The following PCDHGA11 variants were observed in gnomAD, a reference collection of about 807,000 sequenced individuals.
PCDHGA11 encodes protocadherin gamma-A11.
A neutral mutation model predicts 60.4 loss-of-function variants in PCDHGA11; 39 were observed. The ratio of observed to expected loss-of-function variants is 0.65; its 90% CI spans 0.50 to 0.84. PCDHGA11 has a LOEUF of 0.84. Among genes scored for constraint, PCDHGA11 ranks in the 40% least tolerant of loss-of-function variants. The pLI is 0.00. For synonymous variants in PCDHGA11, 533 were observed against 510.3 expected, an observed-to-expected ratio of 1.04 and a Z score of -0.60; for missense variants, 1,165 against 1,197.7, an observed-to-expected ratio of 0.97 and a Z score of 0.40.
At chr5:141,488,932 A>G (rs2233598) in intron 1 of PCDHGA11, among the ~76,000 whole-genome samples, 31,368 of 152,090 alleles carry the variant, frequency 0.21, 3,372 homozygotes, top group Admixed American at 0.31. Flanking sequence ...GGATTGAGGA[A>G]ACTCCATAAT....
In PCDHGA11 at chr5:141,422,966, C is replaced by A. The variant is rs762530904; in HGVS notation, c.1739C>A (p.Pro580His). 6.2e-7 allele frequency: 1 copy of A among 1,614,112 alleles called. No individual in the cohort carries two copies. The highest frequency in any genetic ancestry group is 1.7e-5 in the Admixed American group (1 of 60,008). Residue 580 changes from proline (P) to histidine (H), a missense_variant, in exon 1 of 4, where the codon CCC becomes CAC. Transcript: ENST00000398587. ...GGCTCCACTGGCGTGGAGCTGGCGC[C>A]CCGCTCTGCGGAACCTGGCTACCTG... The part of the protein sequence containing the change: ...TDGSTGVELA[P>H]RSAEPGYLVT...
chr5:141,422,487 T>C lies in PCDHGA11; in HGVS notation c.1260T>C (p.Asn420=), dbSNP rs1295400741. 5.0e-6 allele frequency: 8 copies of C among 1,613,938 alleles called. No individual in the cohort carries two copies. The East Asian group carries it at 1.8e-4, about 36-fold the overall frequency. ...ACAGGGAGTTGGTCCAGAGCTACAA[T>C]ATAACGTTGACAGCCACAGACCAGG... The part of the protein sequence containing the change: ...VLDRELVQSY[N]ITLTATDQGS... Residue 420 remains asparagine, a synonymous_variant, in exon 1 of 4, where the codon AAT becomes AAC. Coordinates refer to ENST00000398587, the MANE Select transcript of PCDHGA11 (RefSeq NM_018914.3).
At chr5:141,458,319 T>C (rs2879229) in intron 1 of PCDHGA11, among the ~76,000 whole-genome samples, 84,591 of 151,864 alleles carry the variant, frequency 0.56, 26,265 homozygotes, top group African/African-American at 0.85. Flanking sequence ...CACAGACACA[T>C]GTGGAGTGGT....
intron 1 of PCDHGA11, among the ~76,000 whole-genome samples, chr5:141,461,233 G>T (rs2099011336): frequency 6.6e-6 from 1 of 152,028 alleles, no homozygotes; most frequent in East Asian, 1.9e-4. Context: ...CATAGAGGTT[G>T]TACTAATTTA....
At chr5:141,504,240 G>A (rs1275204117) in intron 2 of PCDHGA11, among the ~76,000 whole-genome samples, 1 of 152,182 alleles carries the variant, frequency 6.6e-6, no homozygotes, top group Non-Finnish European at 1.5e-5. Context: ...AAGAAGCAGA[G>A]AGTTCTTCTT....
chr5:141,466,885 G>A (rs997982577), intron 1 of PCDHGA11, among the ~76,000 whole-genome samples: 3 of 151,938 alleles, frequency 2.0e-5, no homozygotes, highest in Non-Finnish European at 4.4e-5. Context: ...TTCATAATAT[G>A]CATTTTCCAT....
chr5:141,426,465 T>C, intron 1 of PCDHGA11: 1 of 315,366 alleles, frequency 3.2e-6, no homozygotes, highest in African/African-American at 2.2e-5. Context: ...ATGTTCAGGA[T>C]TTATTGACCT....
At chr5:141,457,537 T>A (rs967428207) in intron 1 of PCDHGA11, among the ~76,000 whole-genome samples, 2 of 152,228 alleles carry the variant, frequency 1.3e-5, no homozygotes, top group Admixed American at 6.5e-5. Flanking sequence ...TAGGGTTTAA[T>A]GACAAATGTA....
rs1280755615 is a variant in PCDHGA11, at chr5:141,431,629, A to G, written c.2433+7969A>G. 1 of 1,614,246 alleles carries G rather than the reference A, an allele frequency of 6.2e-7. No individual in the cohort carries two copies. ...GGTATGTGGACGACAAGGCGGCCCA[A>G]GTTTTCAAACTAGATTGTAATTCAG... On this transcript the variant is annotated intron_variant, in intron 1 of 3. Transcript: ENST00000398587. The surrounding 1 kb of genome is among the most constrained non-coding windows in gnomAD (Gnocchi z 4.8).
At chr5:141,500,326 A>T (rs1041431019) in intron 2 of PCDHGA11, among the ~76,000 whole-genome samples, 7 of 152,022 alleles carry the variant, frequency 4.6e-5, no homozygotes, top group Non-Finnish European at 1.0e-4. Context: ...CTCCTGCCTC[A>T]GCCTCCAGAA....
chr5:141,430,110 C>T (rs919470038), intron 1 of PCDHGA11, among the ~76,000 whole-genome samples: 1 of 152,060 alleles, frequency 6.6e-6, no homozygotes, highest in Admixed American at 6.5e-5. Flanking sequence ...CGTTACATGT[C>T]AACAACCTGG....
In PCDHGA11 at chr5:141,511,086, G is replaced by A. The variant is rs2099883600; in HGVS notation, c.2721G>A (p.Leu907=). The A allele has an allele frequency of 1.2e-6, 2 of 1,614,062 alleles. No individual in the cohort carries two copies. The highest frequency in any genetic ancestry group is 2.2e-5 in the East Asian group (1 of 44,886). The change falls in exon 4 of 4, where the codon CTG becomes CTA. Residue 907 remains leucine (L), a synonymous_variant. Transcript: ENST00000398587. ...ACATCCCAGGCAGCAATGCCACACT[G>A]ACCAACGCAGCTGGCAAGCGGGATG... is the stretch of plus-strand genomic sequence containing the variant. The part of the protein sequence containing the change: ...NVYIPGSNAT[L]TNAAGKRDGK...
chr5:141,473,079 A>G (rs1389177835), intron 1 of PCDHGA11, among the ~76,000 whole-genome samples: 2 of 152,086 alleles, frequency 1.3e-5, no homozygotes, highest in African/African-American at 4.8e-5. Flanking sequence ...ATCTTTGTTT[A>G]TTATCCACTG....
chr5:141,456,824 G>A (rs2098890304), intron 1 of PCDHGA11, among the ~76,000 whole-genome samples: 2 of 152,170 alleles, frequency 1.3e-5, no homozygotes, highest in South Asian at 2.1e-4. Context: ...ATTAGCCATC[G>A]TGGTAGTGGG....
At chr5:141,494,783 C>G (rs2099756910) in intron 1 of PCDHGA11, 24 bp from the exon 2 acceptor site, 2 of 1,613,964 alleles carry the variant, frequency 1.2e-6, no homozygotes, top group Admixed American at 3.3e-5. Context: ...GTACTCAGCC[C>G]CTTTCCCTCT....
chr5:141,470,768 G>T (rs2099239559), intron 1 of PCDHGA11, among the ~76,000 whole-genome samples: 1 of 152,142 alleles, frequency 6.6e-6, no homozygotes, highest in South Asian at 2.1e-4. Context: ...ACTCACTACA[G>T]TCTTGAATTC....
At chr5:141,433,364 T>C (rs1246641841) in intron 1 of PCDHGA11, 1 of 524,614 alleles carries the variant, frequency 1.9e-6, no homozygotes, top group Admixed American at 3.5e-5. Context: ...TCTGCCTATC[T>C]ATCTATCTAT....
At position 141,421,861 on chromosome 5, in the gene PCDHGA11, C is replaced by T; in HGVS notation, c.634C>T (p.Leu212Phe). 2 of 1,613,738 alleles carry T rather than the reference C, an allele frequency of 1.2e-6. No individual in the cohort carries two copies. Among genetic ancestry groups the T allele is most frequent in the South Asian group, 2.2e-5 (2 of 91,084 alleles). Residue 212 changes from leucine to phenylalanine, a missense_variant, in exon 1 of 4, where the codon CTC (leucine) becomes TTC (phenylalanine). Coordinates refer to ENST00000398587, the MANE Select transcript of PCDHGA11 (RefSeq NM_018914.3). ...DREKEAAHLL[L>F]LTALDGGDPI... ...AGAGAAAGAGGCTGCTCACCTGCTC[C>T]TCCTCACAGCTTTAGATGGAGGCGA...
At position 141,491,039 on chromosome 5, in the gene PCDHGA11, G is replaced by T; in HGVS notation, c.2434-3768G>T. 1 of 1,614,180 alleles carries T rather than the reference G, an allele frequency of 6.2e-7. No individual in the cohort carries two copies. The highest frequency in any genetic ancestry group is 1.1e-5 in the South Asian group (1 of 91,090). ...GTGACAGCCGTGGATGCTGATGCAGGCCACAATGCGTGGCTCTCCTACTCA... is the reference window on the plus strand; with the variant it reads ...GTGACAGCCGTGGATGCTGATGCAGTCCACAATGCGTGGCTCTCCTACTCA... On this transcript the variant is annotated intron_variant, in intron 1 of 3. Transcript: ENST00000398587. The surrounding 1 kb of genome is among the most constrained non-coding windows in gnomAD (Gnocchi z 6.9).
Sources: allele counts gnomAD v4.1 joint callset (sites outside exome capture counted in the v4.1 genomes callset), GRCh38; gene constraint gnomAD v4.1.1; non-coding constraint Gnocchi (gnomAD v3.1); transcripts MANE v1.5; gene names NCBI Gene and HGNC (gene_info 2026-07-23, HGNC 2026-07-21).